Variants in NEBL observed in about 807,000 individuals in gnomAD.
NEBL encodes nebulette, also known as LIM and SH3 protein 2.
In NEBL, 122 loss-of-function variants were observed where a neutral mutation model predicts 140.2. The observed-to-expected ratio is 0.87, with a 90% CI of 0.75 to 1.01. NEBL has a LOEUF of 1.01. NEBL is among the 50% of genes least tolerant of loss of function. NEBL has a pLI of 0.00. For missense variants in NEBL, 1,365 were observed against 1,231.3 expected, an observed-to-expected ratio of 1.11 and a Z score of -1.62; for synonymous variants, 436 against 398.9, an observed-to-expected ratio of 1.09 and a Z score of -1.11.
At chr10:21,027,579 T>C (rs755282347) in intron 2 of NEBL, among the ~76,000 whole-genome samples, 8 of 152,074 alleles carry the variant, frequency 5.3e-5, no homozygotes, top group Non-Finnish European at 1.2e-4. Context: ...GTCCAATCAA[T>C]TCAGCCTTCC....
intron 26 of NEBL, 32 bp downstream of exon 26, chr10:20,808,478 G>T: frequency 6.2e-7 from 1 of 1,609,808 alleles, no homozygotes; most frequent in Non-Finnish European, 8.5e-7. Context: ...AAAATGAATC[G>T]ATTTTCTTTG....
chr10:21,259,443 C>G (rs183051725), intron 1 of NEBL, among the ~76,000 whole-genome samples: 1 of 152,140 alleles, frequency 6.6e-6, no homozygotes, highest in African/African-American at 2.4e-5. Flanking sequence ...CCCACCCTTA[C>G]TTCCTAGGGT....
intron 2 of NEBL, among the ~76,000 whole-genome samples, chr10:21,168,384 C>G (rs1840884587): frequency 6.6e-6 from 1 of 151,856 alleles, no homozygotes; most frequent in South Asian, 2.1e-4. Flanking sequence ...CTACTTAAGC[C>G]CTTTTCTTGA....
At chr10:21,160,793 C>T (rs1445190817) in intron 2 of NEBL, among the ~76,000 whole-genome samples, 1 of 151,652 alleles carries the variant, frequency 6.6e-6, no homozygotes, top group Non-Finnish European at 1.5e-5. Flanking sequence ...TTTTATTCAT[C>T]AGGAATTGAC....
chr10:21,020,754 C>T (rs2131772676), intron 2 of NEBL, among the ~76,000 whole-genome samples: 1 of 152,242 alleles, frequency 6.6e-6, no homozygotes, highest in Admixed American at 6.5e-5. Flanking sequence ...TTACACACAC[C>T]CCTGGCTCAG....
intron 2 of NEBL, among the ~76,000 whole-genome samples, chr10:21,021,022 C>A (rs1382229427): frequency 6.6e-6 from 1 of 152,114 alleles, no homozygotes. Context: ...CTGTTCATCA[C>A]CCCACCCCTC....
chr10:21,252,507 T>G (rs76873143), intron 1 of NEBL, among the ~76,000 whole-genome samples: 5 of 152,324 alleles, frequency 3.3e-5, no homozygotes, highest in Non-Finnish European at 5.9e-5. Flanking sequence ...TAATTCATGT[T>G]GAGAGTTTTT....
chr10:20,799,701 A>AG (rs1836910053), intron 26 of NEBL, among the ~76,000 whole-genome samples: 1 of 152,198 alleles, frequency 6.6e-6, no homozygotes, highest in South Asian at 2.1e-4. Flanking sequence ...GTGATCTTGA[A>AG]GGGTCACCAA....
intron 26 of NEBL, among the ~76,000 whole-genome samples, chr10:20,799,158 T>C (rs2131683221): frequency 6.6e-6 from 1 of 152,312 alleles, no homozygotes; most frequent in South Asian, 2.1e-4. Flanking sequence ...CGCAGAAATT[T>C]ATTTATTTTA....
intron 4 of NEBL, among the ~76,000 whole-genome samples, chr10:20,884,615 A>G (rs1353930095): frequency 6.6e-6 from 1 of 152,218 alleles, no homozygotes; most frequent in Non-Finnish European, 1.5e-5. Flanking sequence ...GATCAGAATA[A>G]TAACATAACT....
At chr10:21,005,325 G>C (rs76071321) in intron 3 of NEBL, among the ~76,000 whole-genome samples, 2,770 of 152,290 alleles carry the variant, frequency 0.018, 75 homozygotes, top group African/African-American at 0.062. Context: ...GAGACCCCCA[G>C]CTGGTCAAAT....
At position 21,173,648 on chromosome 10, in the gene NEBL, G is replaced by C; in HGVS notation, c.69+117C>G. The C allele has an allele frequency of 6.5e-7, 1 of 1,536,470 alleles. No homozygotes were observed. Among genetic ancestry groups the C allele is most frequent in the South Asian group, 1.1e-5 (1 of 87,590 alleles). On this transcript the variant is annotated intron_variant, in intron 1 of 6. Coordinates refer to the NEBL transcript ENST00000417816. The surrounding 1 kb of genome is among the most constrained non-coding windows in gnomAD (Gnocchi z 5.7). Reference sequence around the variant, plus strand: ...TCGCGCGCCCTCCCCCCGTGCCAAGGCACACGCACACGCACCGACCCACTC... The same window carrying C: ...TCGCGCGCCCTCCCCCCGTGCCAAGCCACACGCACACGCACCGACCCACTC...
chr10:20,813,802 T>A, intron 23 of NEBL, 137 bp downstream of exon 23: 1 of 686,264 alleles, frequency 1.5e-6, no homozygotes, highest in East Asian at 2.7e-5. Flanking sequence ...TGATTAGAAA[T>A]GCCCCTCCCT....
At chr10:21,140,917 C>G (rs559384485) in intron 2 of NEBL, among the ~76,000 whole-genome samples, 1 of 151,684 alleles carries the variant, frequency 6.6e-6, no homozygotes, top group Non-Finnish European at 1.5e-5. Flanking sequence ...AGGTAACAAA[C>G]CTGCATGTTC....
chr10:21,239,666 G>T (rs1413234438), intron 3 of NEBL, among the ~76,000 whole-genome samples: 1 of 152,096 alleles, frequency 6.6e-6, no homozygotes, highest in Non-Finnish European at 1.5e-5. Flanking sequence ...GGGACTGCCA[G>T]TGCAAATGTG....
At chr10:20,832,013 C>T (rs1162279242) in intron 14 of NEBL, among the ~76,000 whole-genome samples, 1 of 152,144 alleles carries the variant, frequency 6.6e-6, no homozygotes, top group Non-Finnish European at 1.5e-5. Flanking sequence ...CCCTAATTTG[C>T]CACTAGACAA....
intron 2 of NEBL, among the ~76,000 whole-genome samples, chr10:21,068,752 G>A (rs773883442): frequency 6.6e-6 from 1 of 152,240 alleles, no homozygotes; most frequent in Admixed American, 6.5e-5. Context: ...AGGAAATAGG[G>A]AGAAGGAAAG....
intron 26 of NEBL, among the ~76,000 whole-genome samples, chr10:20,792,212 G>A (rs1836068084): frequency 1.3e-5 from 2 of 151,860 alleles, no homozygotes; most frequent in Admixed American, 1.3e-4. Context: ...AATAATTTGG[G>A]TTTTTTCCTA....
intron 3 of NEBL, among the ~76,000 whole-genome samples, chr10:20,993,676 C>G (rs1837557295): frequency 6.6e-6 from 1 of 152,174 alleles, no homozygotes; most frequent in Non-Finnish European, 1.5e-5. Flanking sequence ...AGCCCATTGG[C>G]TGGCAAGAGT....
Sources: gnomAD v4.1 joint callset for allele counts (sites outside exome capture counted in the v4.1 genomes callset) on GRCh38, gnomAD v4.1.1 for gene constraint, Gnocchi (gnomAD v3.1) non-coding constraint, MANE v1.5 for transcripts, NCBI Gene and HGNC (gene_info 2026-07-23, HGNC 2026-07-21) for gene names.